The following UBE2E2 variants were observed in gnomAD, a reference collection of about 807,000 sequenced individuals.
UBE2E2 encodes the protein ubiquitin-conjugating enzyme E2 E2.
A neutral mutation model predicts 24.7 loss-of-function variants in UBE2E2; 6 were observed. The observed-to-expected ratio is 0.24, with a 90% CI of 0.13 to 0.48. The LOEUF (loss-of-function observed/expected upper bound fraction) is 0.48. Ranked by LOEUF, UBE2E2 falls within the 20% of genes least tolerant of loss-of-function variation. The pLI is 0.99. For missense variants in UBE2E2, 169 were observed against 245.0 expected (o/e 0.69, Z 2.07); for synonymous variants, 104 against 83.6 (o/e 1.24, Z -1.33).
intron 3 of UBE2E2, among the ~76,000 whole-genome samples, chr3:23,273,342 A>G (rs1426425448): frequency 6.6e-6 from 1 of 152,114 alleles, no homozygotes; most frequent in African/African-American, 2.4e-5. Flanking sequence ...GATCGAGACC[A>G]TGGTGAAACC....
intron 3 of UBE2E2, among the ~76,000 whole-genome samples, chr3:23,383,724 A>G (rs1043251624): frequency 6.6e-6 from 1 of 151,946 alleles, no homozygotes; most frequent in Non-Finnish European, 1.5e-5. Flanking sequence ...ATTTTCTTCT[A>G]GAGCCCTGCT....
chr3:23,368,935 G>A (rs1559363886), intron 3 of UBE2E2, among the ~76,000 whole-genome samples: 1 of 152,152 alleles, frequency 6.6e-6, no homozygotes, highest in Non-Finnish European at 1.5e-5. Flanking sequence ...TTATTTTACA[G>A]TGTGTGTGTT....
chr3:23,491,758 T>G (rs920349045), intron 3 of UBE2E2, among the ~76,000 whole-genome samples: 7 of 152,104 alleles, frequency 4.6e-5, no homozygotes, highest in African/African-American at 1.7e-4. Flanking sequence ...AGATCCTACT[T>G]AAAGGAGTTT....
intron 3 of UBE2E2, among the ~76,000 whole-genome samples, chr3:23,371,600 A>G (rs1248580202): frequency 6.6e-6 from 1 of 152,166 alleles, no homozygotes; most frequent in African/African-American, 2.4e-5. Context: ...TTAGAAATAT[A>G]TTGGGGATAG....
chr3:23,207,096 A>G lies in UBE2E2; in HGVS notation c.-8-1596A>G, dbSNP rs1218985827. 2.6e-5 allele frequency among the ~76,000 whole-genome samples: 4 copies of G among 152,204 alleles called. No individual in the cohort carries two copies. In the East Asian group the frequency reaches 7.7e-4, roughly 29 times the overall value. On this transcript the variant is annotated intron_variant, in intron 1 of 5. Transcript: ENST00000396703. Reference sequence around the variant, plus strand: ...GTGCTGAAAGTGATTATTAGGTGACAAAACCATGGGGAGCACAAGGCCTTT... The same window carrying G: ...GTGCTGAAAGTGATTATTAGGTGACGAAACCATGGGGAGCACAAGGCCTTT...
chr3:23,484,300 G>A (rs1197448199), intron 3 of UBE2E2, among the ~76,000 whole-genome samples: 1 of 152,172 alleles, frequency 6.6e-6, no homozygotes, highest in Non-Finnish European at 1.5e-5. Flanking sequence ...TGTAGTTCAT[G>A]TCAGAACCTC....
chr3:23,313,134 C>G (rs563476786), intron 3 of UBE2E2, among the ~76,000 whole-genome samples: 149 of 152,056 alleles, frequency 9.8e-4, no homozygotes, highest in African/African-American at 3.4e-3. Flanking sequence ...CGGATTAAGT[C>G]TGATATTTCT....
chr3:23,439,264 G>T (rs1698245381), intron 3 of UBE2E2, among the ~76,000 whole-genome samples: 1 of 152,174 alleles, frequency 6.6e-6, no homozygotes, highest in African/African-American at 2.4e-5. Context: ...CACTGCAAAA[G>T]GAAACTGTGT....
chr3:23,533,586 G>C (rs1490010048), intron 5 of UBE2E2, among the ~76,000 whole-genome samples: 3 of 147,006 alleles, frequency 2.0e-5, no homozygotes, highest in Non-Finnish European at 4.5e-5. Context: ...TTATTTTTCA[G>C]CAGTAAAATC....
chr3:23,387,510 C>T (rs1256787613), intron 3 of UBE2E2, among the ~76,000 whole-genome samples: 1 of 152,112 alleles, frequency 6.6e-6, no homozygotes, highest in Non-Finnish European at 1.5e-5. Flanking sequence ...CTTTTCTTGT[C>T]ATGGCCTTTT....
chr3:23,352,703 A>G (rs1357010582), intron 3 of UBE2E2, among the ~76,000 whole-genome samples: 7 of 152,194 alleles, frequency 4.6e-5, no homozygotes, highest in Non-Finnish European at 1.0e-4. Context: ...GAATCTCTGA[A>G]TAGACCAATA....
intron 3 of UBE2E2, among the ~76,000 whole-genome samples, chr3:23,422,323 A>G (rs1692617): frequency 0.62 from 93,771 of 151,864 alleles, 29,640 homozygotes; most frequent in African/African-American, 0.74. Context: ...CCTGAGAGAC[A>G]ACACTTGAAT....
chr3:23,511,713 A>T lies in UBE2E2; in HGVS notation c.360+11973A>T, dbSNP rs550621416. Among the ~76,000 whole-genome samples the T allele has an allele frequency of 1.4e-4, 21 of 152,328 alleles. No homozygotes were observed. In the South Asian group the frequency reaches 3.5e-3, roughly 26 times the overall value. Reference sequence around the variant, plus strand: ...ACAAAGCTGATATTTTCTCTTTTTCATTAAGTTCTCACTGTTTGGGGATTG... The same window carrying T: ...ACAAAGCTGATATTTTCTCTTTTTCTTTAAGTTCTCACTGTTTGGGGATTG... On this transcript the variant is annotated intron_variant, in intron 4 of 5. Transcript: ENST00000396703.
intron 3 of UBE2E2, among the ~76,000 whole-genome samples, chr3:23,432,543 T>TA (rs1352797004): frequency 3.3e-5 from 5 of 152,010 alleles, no homozygotes; most frequent in African/African-American, 1.2e-4. Flanking sequence ...TTCTTACTGA[T>TA]AAATTCCTGC....
At chr3:23,497,962 G>C (rs536325209) in intron 3 of UBE2E2, among the ~76,000 whole-genome samples, 1 of 152,206 alleles carries the variant, frequency 6.6e-6, no homozygotes, top group East Asian at 1.9e-4. Context: ...GTTTTGTCAG[G>C]CATTGATTTT....
At chr3:23,416,112 T>C (rs972990437) in intron 3 of UBE2E2, among the ~76,000 whole-genome samples, 2 of 152,230 alleles carry the variant, frequency 1.3e-5, no homozygotes, top group South Asian at 4.1e-4. Flanking sequence ...CCATGGTGTA[T>C]ATGTGCCACA....
At chr3:23,314,716 G>A (rs1331164541) in intron 3 of UBE2E2, among the ~76,000 whole-genome samples, 1 of 152,170 alleles carries the variant, frequency 6.6e-6, no homozygotes, top group Non-Finnish European at 1.5e-5. Context: ...ATTTTAACCA[G>A]ATATGCTTTT....
chr3:23,416,207 G>A (rs1042892631), intron 3 of UBE2E2, among the ~76,000 whole-genome samples: 12 of 152,164 alleles, frequency 7.9e-5, no homozygotes, highest in East Asian at 1.9e-4. Flanking sequence ...GTAAACATAC[G>A]TGTGCATGTG....
At chr3:23,567,474 G>T (rs1696105483) in intron 5 of UBE2E2, among the ~76,000 whole-genome samples, 1 of 152,158 alleles carries the variant, frequency 6.6e-6, no homozygotes, top group Non-Finnish European at 1.5e-5. Flanking sequence ...AACCTTCAGG[G>T]ACTGAAAGAA....
Sources: gnomAD v4.1 joint callset for allele counts (sites outside exome capture counted in the v4.1 genomes callset) on GRCh38, gnomAD v4.1.1 for gene constraint, MANE v1.5 for transcripts, NCBI Gene and HGNC (gene_info 2026-07-23, HGNC 2026-07-21) for gene names.